Variants in C11orf65 observed in about 807,000 individuals in gnomAD.
C11orf65 encodes the protein chromosome 11 open reading frame 65, also known as protein MFI.
C11orf65 carries 38 observed loss-of-function variants against 35.3 expected under a neutral mutation model. The observed-to-expected ratio is 1.08, with a 90% confidence interval of 0.83 to 1.41. The LOEUF is 1.41. Ranked by LOEUF, C11orf65 falls within the 40% of genes most tolerant of loss-of-function variation. C11orf65 has a pLI of 0.00. For synonymous variants in C11orf65, 105 were observed against 114.4 expected (o/e 0.92, Z 0.53); for missense variants, 370 against 367.1 (o/e 1.01, Z -0.06).
chr11:108,462,231 G>A (rs2093481440), intron 1 of C11orf65, among the ~76,000 whole-genome samples: 1 of 152,080 alleles, frequency 6.6e-6, no homozygotes, highest in Non-Finnish European at 1.5e-5. Context: ...TTTTTGTAGA[G>A]ACAGGTTCTT....
At chr11:108,431,716 G>A in intron 3 of C11orf65, 30 bp downstream of exon 3, 2 of 1,140,894 alleles carry the variant, frequency 1.8e-6, no homozygotes, top group Non-Finnish European at 2.4e-6. Flanking sequence ...GAAAAATATA[G>A]GATGCTATAT....
intron 3 of C11orf65, among the ~76,000 whole-genome samples, chr11:108,423,490 G>T (rs982554769): frequency 2.0e-5 from 3 of 152,168 alleles, no homozygotes; most frequent in Non-Finnish European, 4.4e-5. Context: ...AGCTTCAGCA[G>T]ACTTAAACGT....
chr11:108,462,648 G>A (rs567407575), intron 1 of C11orf65: 1 of 152,208 alleles, frequency 6.6e-6, no homozygotes, highest in East Asian at 1.9e-4. Context: ...GACCTTATGT[G>A]GTCAAATATA....
chr11:108,455,278 C>T (rs988781806), intron 2 of C11orf65, among the ~76,000 whole-genome samples: 1 of 152,122 alleles, frequency 6.6e-6, no homozygotes, highest in Non-Finnish European at 1.5e-5. Flanking sequence ...ATAAGACATA[C>T]AAATTGAAAA....
At chr11:108,443,918 G>A (rs975733360) in intron 2 of C11orf65, among the ~76,000 whole-genome samples, 2 of 152,016 alleles carry the variant, frequency 1.3e-5, no homozygotes, top group African/African-American at 4.8e-5. Flanking sequence ...AACTAGAGAA[G>A]CAAGAGCAAA....
At chr11:108,355,165 A>C (rs1469797537) in intron 2 of C11orf65, 1 of 380,602 alleles carries the variant, frequency 2.6e-6, no homozygotes, top group African/African-American at 2.0e-5. Flanking sequence ...ATATGGTATT[A>C]TTATTTTCAG....
At chr11:108,418,729 C>T (rs992555160) in intron 3 of C11orf65, among the ~76,000 whole-genome samples, 3 of 151,008 alleles carry the variant, frequency 2.0e-5, no homozygotes, top group African/African-American at 7.3e-5. Context: ...TTGGAAAAGA[C>T]CAATAAAAGT....
intron 3 of C11orf65, among the ~76,000 whole-genome samples, chr11:108,424,706 T>C (rs1347315202): frequency 6.6e-6 from 1 of 152,174 alleles, no homozygotes; most frequent in Non-Finnish European, 1.5e-5. Context: ...CAACAAAAGA[T>C]ACATTCTTCT....
chr11:108,448,931 T>C (rs939687087), intron 2 of C11orf65, among the ~76,000 whole-genome samples: 43 of 152,222 alleles, frequency 2.8e-4, no homozygotes, highest in African/African-American at 7.5e-4. Flanking sequence ...GCAACTTCAG[T>C]AAAGTCTCAG....
At chr11:108,465,110 T>C (rs1459814990) in intron 1 of C11orf65, among the ~76,000 whole-genome samples, 2 of 152,230 alleles carry the variant, frequency 1.3e-5, no homozygotes, top group African/African-American at 2.4e-5. Flanking sequence ...TTAGCATTAA[T>C]TCATCACAAT....
At chr11:108,357,070 G>A (rs946866641) in intron 2 of C11orf65, among the ~76,000 whole-genome samples, 4 of 152,238 alleles carry the variant, frequency 2.6e-5, no homozygotes, top group Admixed American at 1.3e-4. Flanking sequence ...GACAGTGGGC[G>A]CAGGTCAGTG....
chr11:108,309,017 G>A (rs1222017313), exon 7 of C11orf65: 1 of 1,528,182 alleles, frequency 6.5e-7, no homozygotes, highest in Non-Finnish European at 8.8e-7. Context: ...AGTTGGAGAA[G>A]ATAAAAATTC....
intron 1 of C11orf65, among the ~76,000 whole-genome samples, chr11:108,464,895 G>A (rs2093516368): frequency 6.6e-6 from 1 of 151,698 alleles, no homozygotes; most frequent in South Asian, 2.1e-4. Flanking sequence ...ACCTAACACT[G>A]CCAAACTGTC....
chr11:108,372,525 A>C (rs2091600617), intron 2 of C11orf65, among the ~76,000 whole-genome samples: 1 of 152,220 alleles, frequency 6.6e-6, no homozygotes, highest in Non-Finnish European at 1.5e-5. Flanking sequence ...GTGTTTTTAG[A>C]TTTCCATGAT....
In C11orf65 at chr11:108,335,640, C is replaced by T. The variant is rs1033484669; in HGVS notation, c.227-348G>A. On this transcript the variant is annotated intron_variant, in intron 2 of 3. Transcript: ENST00000524755. Reference sequence around the variant, plus strand: ...CCAGTTAATCTAATTACAGAAGTAGCGAGGGGAAACTTTCTAAATCAGTGT... The same window carrying T: ...CCAGTTAATCTAATTACAGAAGTAGTGAGGGGAAACTTTCTAAATCAGTGT... Among the ~76,000 whole-genome samples, 4 of 151,898 alleles carry T rather than the reference C, an allele frequency of 2.6e-5. 1 individual carries two copies. The highest frequency in any genetic ancestry group is 4.2e-4 in the South Asian group (2 of 4,816).
At chr11:108,320,878 T>C (rs550665126) in intron 6 of C11orf65, among the ~76,000 whole-genome samples, 2 of 152,080 alleles carry the variant, frequency 1.3e-5, no homozygotes, top group South Asian at 4.1e-4. Flanking sequence ...AACACATATT[T>C]TGTATAAGTA....
intron 3 of C11orf65, among the ~76,000 whole-genome samples, chr11:108,410,682 A>T (rs1365654430): frequency 6.9e-6 from 1 of 144,614 alleles, no homozygotes; most frequent in Non-Finnish European, 1.5e-5. Context: ...TTGATTTCTG[A>T]TTTTATCTTC....
intron 2 of C11orf65, among the ~76,000 whole-genome samples, chr11:108,370,901 C>G (rs1320758691): frequency 2.0e-5 from 3 of 152,108 alleles, no homozygotes; most frequent in African/African-American, 7.2e-5. Flanking sequence ...AGTGGGATTT[C>G]CTTTCCAGCA....
intron 2 of C11orf65, among the ~76,000 whole-genome samples, chr11:108,370,077 A>G (rs982005896): frequency 1.3e-5 from 2 of 152,076 alleles, no homozygotes; most frequent in African/African-American, 4.8e-5. Context: ...TTAAGGTTAA[A>G]TCTTTCAGGT....
Sources: gnomAD v4.1 joint callset for allele counts (sites outside exome capture counted in the v4.1 genomes callset) on GRCh38, gnomAD v4.1.1 for gene constraint, MANE v1.5 for transcripts, NCBI Gene and HGNC (gene_info 2026-07-23, HGNC 2026-07-21) for gene names.